The following TMCC1 variants were observed in gnomAD, a reference collection of about 807,000 sequenced individuals.
TMCC1 encodes transmembrane and coiled-coil domain family 1, also known as transmembrane and coiled-coil domains protein 1.
TMCC1 carries 15 observed loss-of-function variants against 52.4 expected under a neutral mutation model. That is an observed-to-expected ratio of 0.29 (90% CI 0.19 to 0.44). The LOEUF (loss-of-function observed/expected upper bound fraction) is 0.44, where lower values mean the gene tolerates loss of function less well. TMCC1 is among the 20% of genes least tolerant of loss of function. The pLI is 1.00. For synonymous variants in TMCC1, 279 were observed against 301.9 expected (o/e 0.92, Z 0.79); for missense variants, 503 against 806.0 (o/e 0.62, Z 4.55).
intron 4 of TMCC1, among the ~76,000 whole-genome samples, chr3:129,711,030 A>AT (rs1299804304): frequency 1.3e-5 from 2 of 152,012 alleles, no homozygotes; most frequent in Non-Finnish European, 2.9e-5. Flanking sequence ...TGCCCGGCTA[A>AT]TTTTTGTATT....
chr3:129,847,789 C>T (rs954670849), intron 2 of TMCC1: 2 of 152,178 alleles, frequency 1.3e-5, no homozygotes, highest in Non-Finnish European at 2.9e-5. Flanking sequence ...ACATTCCTAT[C>T]GTCAGTGTAT....
chr3:129,868,916 G>A (rs2060784866), intron 2 of TMCC1: 1 of 152,220 alleles, frequency 6.6e-6, no homozygotes, highest in African/African-American at 2.4e-5. Context: ...CTAGTTTTAT[G>A]TATAGTAGTG....
At chr3:129,669,501 C>T (rs1483769309) in intron 5 of TMCC1, among the ~76,000 whole-genome samples, 1 of 147,466 alleles carries the variant, frequency 6.8e-6, no homozygotes, top group Non-Finnish European at 1.5e-5. Context: ...ATGGTGAGAT[C>T]TCGGCTCACC....
chr3:129,691,221 T>C (rs1267160218), intron 4 of TMCC1, among the ~76,000 whole-genome samples: 1 of 152,252 alleles, frequency 6.6e-6, no homozygotes, highest in African/African-American at 2.4e-5. Context: ...TGTCAGACTT[T>C]TCTGTCCATT....
chr3:129,727,954 A>T (rs2050237206), intron 4 of TMCC1, among the ~76,000 whole-genome samples: 1 of 152,224 alleles, frequency 6.6e-6, no homozygotes, highest in Non-Finnish European at 1.5e-5. Flanking sequence ...CCCTGGCCAA[A>T]AGCCACAGCT....
rs866433603 is a variant in TMCC1 at position 129,887,559 on chromosome 3, C to A, written c.-435+5935G>T. Among the ~76,000 whole-genome samples the A allele has an allele frequency of 7.6e-3, 1,035 of 136,908 alleles. 11 individuals are homozygous for A. The highest frequency in any genetic ancestry group is 0.026 in the African/African-American group (945 of 36,426). The allele number at this position is 136,908 out of a possible 152,430, so 89.8% of individuals were successfully genotyped here. On this transcript the variant is annotated intron_variant, in intron 1 of 6. Coordinates refer to ENST00000393238, the MANE Select transcript of TMCC1 (RefSeq NM_001017395.5). ...CCGTCTCTCAAAAAAAAAAAAAAAA[C>A]AACAAAAAAGAACTTCTAAATGTTA...
At chr3:129,672,354 T>C (rs534412760) in intron 4 of TMCC1, among the ~76,000 whole-genome samples, 1 of 152,248 alleles carries the variant, frequency 6.6e-6, no homozygotes, top group Non-Finnish European at 1.5e-5. Context: ...TCCCAGTGCT[T>C]TGGGAGGTCA....
intron 2 of TMCC1, among the ~76,000 whole-genome samples, chr3:129,850,346 T>C (rs1181202553): frequency 6.6e-6 from 1 of 152,238 alleles, no homozygotes; most frequent in African/African-American, 2.4e-5. Context: ...AACACACTGA[T>C]GTTAACAGTA....
At chr3:129,797,260 A>T (rs912035793) in intron 4 of TMCC1, among the ~76,000 whole-genome samples, 1 of 151,736 alleles carries the variant, frequency 6.6e-6, no homozygotes, top group Non-Finnish European at 1.5e-5. Flanking sequence ...CGGGAAGCGG[A>T]GCTTGCAGTG....
intron 4 of TMCC1, among the ~76,000 whole-genome samples, chr3:129,761,887 C>T (rs1181253316): frequency 1.3e-5 from 2 of 149,632 alleles, no homozygotes; most frequent in Non-Finnish European, 3.0e-5. Flanking sequence ...GCTACTTGGG[C>T]GGCTGAGGCA....
chr3:129,817,279 T>G (rs1051415309), intron 4 of TMCC1, among the ~76,000 whole-genome samples: 1 of 152,094 alleles, frequency 6.6e-6, no homozygotes, highest in Non-Finnish European at 1.5e-5. Flanking sequence ...AGTAAAAATC[T>G]TTGTTTTTCA....
chr3:129,834,192 A>C (rs2059050943), intron 2 of TMCC1, among the ~76,000 whole-genome samples: 1 of 152,196 alleles, frequency 6.6e-6, no homozygotes, highest in South Asian at 2.1e-4. Context: ...ACAATGGATA[A>C]ATAAGCAGAA....
intron 4 of TMCC1, among the ~76,000 whole-genome samples, chr3:129,816,206 T>C (rs2058088618): frequency 6.6e-6 from 1 of 152,134 alleles, no homozygotes; most frequent in African/African-American, 2.4e-5. Flanking sequence ...AGAACTACCA[T>C]ATGACCCAGG....
chr3:129,771,268 G>C (rs574915196), intron 4 of TMCC1, among the ~76,000 whole-genome samples: 1 of 151,996 alleles, frequency 6.6e-6, no homozygotes, highest in South Asian at 2.1e-4. Context: ...GAAAAACAAA[G>C]TGAACAAATG....
intron 2 of TMCC1, among the ~76,000 whole-genome samples, chr3:129,861,462 A>G (rs1478252787): frequency 1.3e-5 from 2 of 152,158 alleles, no homozygotes; most frequent in East Asian, 3.9e-4. Flanking sequence ...CAAAAAAAGA[A>G]TTATTACTTA....
At chr3:129,731,488 G>C (rs2050535492) in intron 4 of TMCC1, among the ~76,000 whole-genome samples, 1 of 152,206 alleles carries the variant, frequency 6.6e-6, no homozygotes, top group Non-Finnish European at 1.5e-5. Context: ...TGAGGCACAA[G>C]AATCACTTGA....
chr3:129,693,503 A>ATTTTTT (rs11433105), intron 4 of TMCC1, among the ~76,000 whole-genome samples: 2 of 122,010 alleles, frequency 1.6e-5, no homozygotes, highest in Admixed American at 9.3e-5. Flanking sequence ...CCAAGATTGA[A>ATTTTTT]TTTTTTTTTT....
intron 4 of TMCC1, among the ~76,000 whole-genome samples, chr3:129,744,248 T>C (rs966699526): frequency 2.0e-5 from 3 of 152,216 alleles, no homozygotes; most frequent in Non-Finnish European, 4.4e-5. Context: ...GTCAAAAAGA[T>C]TGGTTGTCGT....
chr3:129,887,576 TA>T (rs2061773492), intron 1 of TMCC1, among the ~76,000 whole-genome samples: 1 of 151,060 alleles, frequency 6.6e-6, no homozygotes, highest in Non-Finnish European at 1.5e-5. Context: ...AAAGAACTTC[TA>T]AATGTTATTT....
Sources: allele counts gnomAD v4.1 joint callset (sites outside exome capture counted in the v4.1 genomes callset), GRCh38; gene constraint gnomAD v4.1.1; transcripts MANE v1.5; gene names NCBI Gene and HGNC (gene_info 2026-07-23, HGNC 2026-07-21).